The following RPS6KA5 variants were observed in gnomAD, a reference collection of about 807,000 sequenced individuals.
The protein encoded by RPS6KA5 is ribosomal protein S6 kinase A5.
RPS6KA5 carries 27 observed loss-of-function variants against 85.5 expected under a neutral mutation model. The ratio of observed to expected loss-of-function variants is 0.32; its 90% confidence interval spans 0.23 to 0.44. RPS6KA5 has a LOEUF of 0.44. Among genes scored for constraint, RPS6KA5 ranks in the 20% least tolerant of loss-of-function variants. The pLI is 1.00. For synonymous variants in RPS6KA5, 334 were observed against 348.2 expected, an observed-to-expected ratio of 0.96 and a Z score of 0.46; for missense variants, 811 against 980.9, an observed-to-expected ratio of 0.83 and a Z score of 2.31.
chr14:90,853,683 A>AAC lies in RPS6KA5; in HGVS notation c.*18390_*18391insGT, dbSNP rs2032131045. On this transcript the variant is annotated 3_prime_UTR_variant, in exon 17 of 17. Transcript: ENST00000614987. ...TACTAAAAATACAAAAAAAAAAAAAAAAACCCTAAAATTTAACACTATGAA... is the reference window on the plus strand; with the variant it reads ...TACTAAAAATACAAAAAAAAAAAAAAACAAACCCTAAAATTTAACACTATGAA... The AAC allele has an allele frequency of 6.6e-6, 1 of 151,362 alleles. No homozygotes were observed. Among genetic ancestry groups the AAC allele is most frequent in the African/African-American group, 2.4e-5 (1 of 41,288 alleles). 9.4% of individuals were successfully genotyped at this position (151,362 alleles called of 1,614,324 possible).
intron 1 of RPS6KA5, among the ~76,000 whole-genome samples, chr14:91,006,620 A>G (rs2041029502): frequency 6.6e-6 from 1 of 152,238 alleles, no homozygotes; most frequent in Non-Finnish European, 1.5e-5. Context: ...TGGAATTCCC[A>G]GCCTTCAGAA....
Position 90,900,104 on chromosome 14 carries a change from A to T in RPS6KA5, c.1379+4T>A, listed in dbSNP as rs779715027. On this transcript the variant is annotated splice_donor_region_variant and intron_variant, in intron 11 of 16. Transcript: ENST00000614987. Reference sequence around the variant, plus strand: ...AAAGAATATTATATTAAAAATGGTCATACCTTTTGCTGATTATTTTGACTG... The same window carrying T: ...AAAGAATATTATATTAAAAATGGTCTTACCTTTTGCTGATTATTTTGACTG... 1.3e-6 allele frequency: 2 copies of T among 1,590,306 alleles called. No homozygotes were observed. The highest frequency in any genetic ancestry group is 1.2e-5 in the South Asian group (1 of 85,604).
chr14:90,881,016 G>A (rs867121438), intron 14 of RPS6KA5, among the ~76,000 whole-genome samples: 8 of 151,708 alleles, frequency 5.3e-5, no homozygotes, highest in South Asian at 2.1e-4. Flanking sequence ...TAAATTTTTT[G>A]TAGAAATGAG....
intron 3 of RPS6KA5, among the ~76,000 whole-genome samples, chr14:90,948,457 G>A (rs1363460864): frequency 6.6e-6 from 1 of 152,162 alleles, no homozygotes; most frequent in Non-Finnish European, 1.5e-5. Flanking sequence ...AGCACTTTGG[G>A]AGGCCGAGGC....
rs1484883960 is a variant in RPS6KA5 at position 90,862,271 on chromosome 14, T to C, written c.*9803A>G. The C allele has an allele frequency of 2.6e-5, 4 of 152,138 alleles. No homozygotes were observed. The highest frequency in any genetic ancestry group is 9.7e-5 in the African/African-American group (4 of 41,428). 9.4% of individuals were successfully genotyped at this position (152,138 alleles called of 1,614,324 possible). ...TCATTCAAGTGGCTTCAATGGTGAA[T>C]TATTTTAAACAGGAGGAATAATATC... On this transcript the variant is annotated 3_prime_UTR_variant, in exon 17 of 17. Coordinates refer to ENST00000614987, the MANE Select transcript of RPS6KA5 (RefSeq NM_004755.4).
chr14:90,949,572 C>T (rs749427315), intron 3 of RPS6KA5, among the ~76,000 whole-genome samples: 7 of 152,156 alleles, frequency 4.6e-5, no homozygotes, highest in Non-Finnish European at 1.0e-4. Context: ...CTGAACAAAA[C>T]CACTCTGAAA....
At chr14:90,932,307 T>C (rs1479996286) in intron 5 of RPS6KA5, among the ~76,000 whole-genome samples, 4 of 152,018 alleles carry the variant, frequency 2.6e-5, no homozygotes, top group Admixed American at 2.0e-4. Flanking sequence ...TATTTTTTTA[T>C]AGGAATGAGG....
At chr14:91,025,811 T>TAAA (rs71117398) in intron 1 of RPS6KA5, among the ~76,000 whole-genome samples, 5 of 143,600 alleles carry the variant, frequency 3.5e-5, no homozygotes, top group African/African-American at 7.7e-5. Context: ...CTTTTTCTCT[T>TAAA]AAAAAAAAAA....
Position 90,848,029 on chromosome 14 carries a change from T to C in RPS6KA5, c.*24045A>G, listed in dbSNP as rs1266335800. On this transcript the variant is annotated 3_prime_UTR_variant, in exon 17 of 17. Coordinates refer to ENST00000614987, the MANE Select transcript of RPS6KA5 (RefSeq NM_004755.4). ...ACATGAAAACATCACATTTCTACAA[T>C]ACATCTGCTTTTTTGATTCATGTGT... is the stretch of plus-strand genomic sequence containing the variant. 10 of 152,186 alleles carry C rather than the reference T, an allele frequency of 6.6e-5. No homozygotes were observed. Among genetic ancestry groups the C allele is most frequent in the Admixed American group, 6.5e-4 (10 of 15,282 alleles). The allele number at this position is 152,186 out of a possible 1,614,324, so 9.4% of individuals were successfully genotyped here.
At chr14:90,880,649 T>C (rs557841548) in intron 14 of RPS6KA5, among the ~76,000 whole-genome samples, 1 of 152,322 alleles carries the variant, frequency 6.6e-6, no homozygotes, top group Admixed American at 6.5e-5. Flanking sequence ...AGTTGGGTAT[T>C]GAAGTCTCCA....
At chr14:90,947,714 C>A (rs2037946614) in intron 3 of RPS6KA5, among the ~76,000 whole-genome samples, 164 bp from the exon 4 acceptor site, 1 of 152,082 alleles carries the variant, frequency 6.6e-6, no homozygotes, top group Admixed American at 6.5e-5. Flanking sequence ...ATTCAGATAG[C>A]AATACAGTTT....
intron 5 of RPS6KA5, among the ~76,000 whole-genome samples, chr14:90,924,054 T>C (rs548906300): frequency 6.6e-6 from 1 of 152,248 alleles, no homozygotes; most frequent in East Asian, 1.9e-4. Flanking sequence ...TCTGGTGCTT[T>C]GGGGGAGGAG....
At chr14:90,897,744 T>C (rs1372373283) in intron 12 of RPS6KA5, among the ~76,000 whole-genome samples, 1 of 152,226 alleles carries the variant, frequency 6.6e-6, no homozygotes, top group Non-Finnish European at 1.5e-5. Context: ...CTGACATTAG[T>C]CTGAAGGTCA....
intron 1 of RPS6KA5, among the ~76,000 whole-genome samples, chr14:91,058,819 C>G (rs1015888421): frequency 2.0e-5 from 3 of 152,120 alleles, no homozygotes; most frequent in Non-Finnish European, 4.4e-5. Flanking sequence ...ACAATGTTTA[C>G]AAATGTTGAA....
intron 1 of RPS6KA5, among the ~76,000 whole-genome samples, chr14:91,030,943 A>G (rs1161034720): frequency 6.6e-6 from 1 of 152,148 alleles, no homozygotes; most frequent in East Asian, 1.9e-4. Flanking sequence ...CCAGTATCTA[A>G]GAGAATTTTA....
Position 90,889,294 on chromosome 14 carries a change from CA to C in RPS6KA5, c.1836+1192del, listed in dbSNP as rs11450327. On this transcript the variant is annotated intron_variant, in intron 14 of 16. Transcript: ENST00000614987. ...GGGAGACAGAGCAAGACTTTGTCTC[CA>C]AAAAAAAAAAAAAAAAAAAAAAGAG... is the stretch of plus-strand genomic sequence containing the variant. Among the ~76,000 whole-genome samples, 669 of 71,204 alleles carry C rather than the reference CA, an allele frequency of 9.4e-3. 2 individuals are homozygous for C. The highest frequency in any genetic ancestry group is 0.053 in the East Asian group (139 of 2,632). The allele number at this position is 71,204 out of a possible 152,430, so 46.7% of individuals were successfully genotyped here.
intron 7 of RPS6KA5, among the ~76,000 whole-genome samples, chr14:90,912,224 C>T (rs1461549497): frequency 6.6e-6 from 1 of 152,202 alleles, no homozygotes; most frequent in African/African-American, 2.4e-5. Flanking sequence ...GGACTTTACC[C>T]TCTATTTCTC....
intron 7 of RPS6KA5, among the ~76,000 whole-genome samples, chr14:90,913,620 T>C (rs115369338): frequency 1.3e-5 from 2 of 152,224 alleles, no homozygotes; most frequent in African/African-American, 2.4e-5. Flanking sequence ...TTACTTAGTA[T>C]GACTTTTATC....
chr14:91,052,382 C>G, intron 1 of RPS6KA5: 1 of 381,068 alleles, frequency 2.6e-6, no homozygotes, highest in Non-Finnish European at 5.0e-6. Context: ...GCAGGAGAAT[C>G]ACTTGAACCC....
Sources: allele counts gnomAD v4.1 joint callset (sites outside exome capture counted in the v4.1 genomes callset), GRCh38; gene constraint gnomAD v4.1.1; transcripts MANE v1.5; gene names NCBI Gene and HGNC (gene_info 2026-07-23, HGNC 2026-07-21).